The following MTNR1B variants were observed in gnomAD, a reference collection of about 807,000 sequenced individuals.
MTNR1B encodes melatonin receptor type 1B.
MTNR1B carries 7 observed loss-of-function variants against 7.0 expected under a neutral mutation model. That is an observed-to-expected ratio of 1.00 (90% CI 0.57 to 1.88). The LOEUF is 1.88. Ranked by LOEUF, MTNR1B falls within the 40% of genes most tolerant of loss-of-function variation. The pLI is 0.00. For missense variants in MTNR1B, 478 were observed against 486.5 expected (o/e 0.98, Z 0.16); for synonymous variants, 226 against 208.2 (o/e 1.09, Z -0.74).
chr11:92,975,808 A>G (rs962902729), intron 1 of MTNR1B, among the ~76,000 whole-genome samples: 12 of 152,102 alleles, frequency 7.9e-5, no homozygotes, highest in African/African-American at 2.9e-4. Flanking sequence ...AGTGGAGCCC[A>G]CTCCATCAAG....
At position 92,982,282 on chromosome 11, in the gene MTNR1B, T is replaced by C. The variant is rs1858125479; in HGVS notation, c.1059T>C (p.Ile353=). The part of the protein sequence containing the change: ...EGLQSPAPPI[I]GVQHQADAL ...TGCAGAGCCCAGCTCCACCCATCAT[T>C]GGTGTGCAGCACCAGGCAGATGCTC... The change falls in exon 2 of 2, where the codon ATT becomes ATC. Residue 353 remains isoleucine (I), a synonymous_variant. Coordinates refer to ENST00000257068, the MANE Select transcript of MTNR1B (RefSeq NM_005959.5). 1.2e-6 allele frequency: 2 copies of C among 1,613,736 alleles called. No individual in the cohort carries two copies. The highest frequency in any genetic ancestry group is 1.7e-6 in the Non-Finnish European group (2 of 1,179,950).
chr11:92,980,637 A>G (rs1276135439), intron 1 of MTNR1B, among the ~76,000 whole-genome samples: 1 of 152,200 alleles, frequency 6.6e-6, no homozygotes, highest in Non-Finnish European at 1.5e-5. Flanking sequence ...ATAAGGCTCC[A>G]TTCAAAGGAT....
At chr11:92,972,202 A>G (rs1475110327) in intron 1 of MTNR1B, among the ~76,000 whole-genome samples, 1 of 152,216 alleles carries the variant, frequency 6.6e-6, no homozygotes, top group Admixed American at 6.5e-5. Flanking sequence ...GCTTCTTCAG[A>G]CCTTTCTGTA....
chr11:92,981,826 G>A lies in MTNR1B; in HGVS notation c.603G>A (p.Thr201=), dbSNP rs769325532. The change falls in exon 2 of 2, where the codon ACG becomes ACA. Residue 201 remains threonine (T), a synonymous_variant. Transcript: ENST00000257068. ...TCCAGACCGCCAGCACCCAGTACAC[G>A]GCGGCAGTGGTGGTCATCCACTTCC... The part of the protein sequence containing the change: ...TFIQTASTQY[T]AAVVVIHFLL... 1.8e-5 allele frequency: 29 copies of A among 1,614,054 alleles called. No homozygotes were observed. Among genetic ancestry groups the A allele is most frequent in the Admixed American group, 6.7e-5 (4 of 60,006 alleles).
rs1372088478 is a variant in MTNR1B, at chr11:92,982,075, GAT to G, written c.853_854del (p.Ile285ProfsTer2). On this transcript the variant is annotated frameshift_variant, in exon 2 of 2. Coordinates refer to ENST00000257068, the MANE Select transcript of MTNR1B (RefSeq NM_005959.5). LOFTEE classifies it low-confidence loss of function (END_TRUNC). ...AINPQEMAPQ[I>X]PEGLFVTSYL... is the part of the protein sequence containing the mutation. ...TCAACCCCCAAGAAATGGCTCCCCAGATCCCTGAGGGGCTATTTGTCACTAGC... is the reference window on the plus strand; with the variant it reads ...TCAACCCCCAAGAAATGGCTCCCCAGCCCTGAGGGGCTATTTGTCACTAGC... 6.2e-7 allele frequency: 1 copy of G among 1,614,212 alleles called. No homozygotes were observed. The highest frequency in any genetic ancestry group is 1.1e-5 in the South Asian group (1 of 91,084).
intron 1 of MTNR1B, among the ~76,000 whole-genome samples, chr11:92,978,655 G>A (rs1040135440): frequency 1.3e-5 from 2 of 152,204 alleles, no homozygotes; most frequent in African/African-American, 2.4e-5. Context: ...TGCCAAGAAA[G>A]CCTGGAGACA....
rs78254417 is a variant in MTNR1B at position 92,975,970 on chromosome 11, C to T, written c.224-5477C>T. On this transcript the variant is annotated intron_variant, in intron 1 of 1. Coordinates refer to ENST00000257068, the MANE Select transcript of MTNR1B (RefSeq NM_005959.5). ...CTTCCTGAATGTTTCTTAAGCTGTC[C>T]AACTTTGCATTTCAGCTGTGAATAC... is the stretch of plus-strand genomic sequence containing the variant. Among the ~76,000 whole-genome samples the T allele has an allele frequency of 8.0e-3, 1,218 of 152,310 alleles. 9 individuals are homozygous for T. The highest frequency in any genetic ancestry group is 0.012 in the Non-Finnish European group (814 of 68,026).
At chr11:92,984,874 A>C (rs1177304010), downstream of MTNR1B, 1 of 456,046 alleles carries the variant, frequency 2.2e-6, no homozygotes, top group African/African-American at 2.0e-5. Flanking sequence ...CAGGACATCA[A>C]GCAATGTACA....
At chr11:92,975,020 G>T (rs1487437925) in intron 1 of MTNR1B, among the ~76,000 whole-genome samples, 1 of 152,192 alleles carries the variant, frequency 6.6e-6, no homozygotes, top group Non-Finnish European at 1.5e-5. Flanking sequence ...TGACAGGTGT[G>T]AGCCACTGTG....
intron 1 of MTNR1B, among the ~76,000 whole-genome samples, 197 bp downstream of exon 1, chr11:92,970,145 C>T (rs1857902206): frequency 6.6e-6 from 1 of 152,196 alleles, no homozygotes; most frequent in African/African-American, 2.4e-5. Flanking sequence ...GTGCGGCTGC[C>T]CAGGACGCGC....
chr11:92,972,617 G>A (rs1857949715), intron 1 of MTNR1B: 1 of 450,514 alleles, frequency 2.2e-6, no homozygotes, highest in East Asian at 7.0e-5. Context: ...TTCACTCTTT[G>A]CTACATTCTC....
intron 1 of MTNR1B, among the ~76,000 whole-genome samples, chr11:92,976,959 A>G (rs1342194808): frequency 1.3e-5 from 2 of 152,230 alleles, no homozygotes; most frequent in African/African-American, 2.4e-5. Flanking sequence ...AAACTATACT[A>G]TCAACTTCAC....
intron 1 of MTNR1B, among the ~76,000 whole-genome samples, chr11:92,981,001 G>A (rs927680530): frequency 6.6e-6 from 1 of 152,202 alleles, no homozygotes; most frequent in African/African-American, 2.4e-5. Flanking sequence ...GTGCGAGGAG[G>A]TGAGGGAATG....
chr11:92,974,542 C>T (rs1376154914), intron 1 of MTNR1B, among the ~76,000 whole-genome samples: 1 of 152,062 alleles, frequency 6.6e-6, no homozygotes, highest in East Asian at 1.9e-4. Context: ...CGGCTTACTG[C>T]AACCTCTCCT....
downstream of MTNR1B, chr11:92,984,739 C>T: frequency 2.6e-6 from 1 of 381,522 alleles, no homozygotes; most frequent in Non-Finnish European, 5.2e-6. Flanking sequence ...GGGCCCATAG[C>T]TGTTACCTGG....
Position 92,981,813 on chromosome 11 carries a change from G to A in MTNR1B, c.590G>A (p.Ser197Asn), listed in dbSNP as rs1432068053. Reference protein sequence around the residue: ...IYSCTFIQTASTQYTAAVVVI... With the variant: ...IYSCTFIQTANTQYTAAVVVI... ...TCCTGCACCTTCATCCAGACCGCCAGCACCCAGTACACGGCGGCAGTGGTG... is the reference window on the plus strand; with the variant it reads ...TCCTGCACCTTCATCCAGACCGCCAACACCCAGTACACGGCGGCAGTGGTG... Residue 197 changes from serine to asparagine, a missense_variant, in exon 2 of 2, where the codon AGC becomes AAC. Ser to Asn is a conservative substitution (Grantham distance 46). Transcript: ENST00000257068. The A allele has an allele frequency of 6.2e-7, 1 of 1,614,172 alleles. No homozygotes were observed. The highest frequency in any genetic ancestry group is 8.5e-7 in the Non-Finnish European group (1 of 1,180,040).
At chr11:92,973,939 A>G (rs1857970481) in intron 1 of MTNR1B, among the ~76,000 whole-genome samples, 2 of 152,266 alleles carry the variant, frequency 1.3e-5, no homozygotes, top group Admixed American at 1.3e-4. Context: ...TCAGCACTGC[A>G]TAAGTAATCA....
chr11:92,984,001 C>G (rs1391571613), downstream of MTNR1B, among the ~76,000 whole-genome samples: 1 of 152,190 alleles, frequency 6.6e-6, no homozygotes, highest in Non-Finnish European at 1.5e-5. Flanking sequence ...TCAAGTCTGT[C>G]TGATGACAGC....
At chr11:92,970,219 G>C (rs1857903456) in intron 1 of MTNR1B, among the ~76,000 whole-genome samples, 1 of 152,194 alleles carries the variant, frequency 6.6e-6, no homozygotes, top group Admixed American at 6.5e-5. Flanking sequence ...CCGGCGCTGT[G>C]GGAACCCACG....
Sources: allele counts gnomAD v4.1 joint callset (sites outside exome capture counted in the v4.1 genomes callset), GRCh38; gene constraint gnomAD v4.1.1; transcripts MANE v1.5; gene names NCBI Gene and HGNC (gene_info 2026-07-23, HGNC 2026-07-21).